Variants in ZNF250 observed in about 807,000 individuals in gnomAD.
ZNF250 encodes zinc finger protein (clone 647).
ZNF250 carries 13 observed loss-of-function variants against 37.1 expected under a neutral mutation model. The observed-to-expected ratio is 0.35, with a 90% CI of 0.23 to 0.56. The LOEUF (loss-of-function observed/expected upper bound fraction) is 0.56, where lower values mean the gene tolerates loss of function less well. ZNF250 is among the 20% of genes least tolerant of loss of function. The pLI, the probability that ZNF250 is intolerant of heterozygous loss-of-function variation, is 0.87. For synonymous variants in ZNF250, 251 were observed against 265.6 expected (o/e 0.94, Z 0.54); for missense variants, 474 against 697.9 (o/e 0.68, Z 3.61).
In ZNF250 at chr8:144,886,698, G is replaced by A. The variant is rs572841708; in HGVS notation, c.346+142C>T. ...GTTTTAAAAATTAAAAACACAAAAA[G>A]CCCCTCCCTGGTGTTTTGTAGCAAT... On this transcript the variant is annotated intron_variant, in intron 5 of 5. Coordinates refer to ENST00000417550, the MANE Select transcript of ZNF250 (RefSeq NM_001109689.4). 3 of 616,354 alleles carry A rather than the reference G, an allele frequency of 4.9e-6. No homozygotes were observed. The East Asian group carries it at 9.1e-5, about 19-fold the overall frequency. 38.2% of individuals were successfully genotyped at this position (616,354 alleles called of 1,614,324 possible). A position where few individuals can be genotyped will look rare whatever the true frequency, so the allele number is the denominator to read the frequency against.
chr8:144,882,054 G>A lies in ZNF250; in HGVS notation c.1129C>T (p.Leu377Phe). The change falls in exon 6 of 6, where the codon CTC (leucine) becomes TTC (phenylalanine). Residue 377 changes from leucine (L) to phenylalanine (F), a missense_variant. By Grantham distance (22) the Leu-to-Phe change is conservative (BLOSUM62 0). This residue lies in a region of ZNF250 where 282 missense variants were observed against 470.4 expected (regional missense o/e 0.60). Transcript: ENST00000417550. This position sits in a 1 kb window ranked among gnomAD's most constrained non-coding sequence, Gnocchi z 5.5. Reference sequence around the variant, plus strand: ...GTGTGCACGTTGTGGTGCTGAATGAGGACTGAGCGGTCGCTGAAGGCCTTC... The same window carrying A: ...GTGTGCACGTTGTGGTGCTGAATGAAGACTGAGCGGTCGCTGAAGGCCTTC... ...CGKAFSDRSV[L>F]IQHHNVHTGE... The A allele has an allele frequency of 6.2e-7, 1 of 1,614,144 alleles. No homozygotes were observed. The highest frequency in any genetic ancestry group is 8.5e-7 in the Non-Finnish European group (1 of 1,180,016).
chr8:144,892,517 T>C (rs2129823273), intron 1 of ZNF250, among the ~76,000 whole-genome samples: 1 of 152,124 alleles, frequency 6.6e-6, no homozygotes, highest in East Asian at 1.9e-4. Context: ...TAGTAACTTG[T>C]GTGTACCCAG....
At position 144,882,523 on chromosome 8, in the gene ZNF250, C is replaced by T; in HGVS notation, c.660G>A (p.Lys220=). 1 of 1,614,204 alleles carries T rather than the reference C, an allele frequency of 6.2e-7. No homozygotes were observed. The highest frequency in any genetic ancestry group is 8.5e-7 in the Non-Finnish European group (1 of 1,180,038). ...TCCCACATACACTGCACACATAGGG[C>T]TTCTCTCCAGTGTGGATACGCTGAT... ...LQHQRIHTGE[K]PYVCSVCGKA... The change falls in exon 6 of 6, where the codon AAG becomes AAA. Residue 220 remains lysine, a synonymous_variant. Transcript: ENST00000417550. The surrounding 1 kb of genome is among the most constrained non-coding windows in gnomAD (Gnocchi z 5.5).
chr8:144,887,692 G>C (rs1831994827), intron 4 of ZNF250, among the ~76,000 whole-genome samples: 1 of 152,190 alleles, frequency 6.6e-6, no homozygotes, highest in Non-Finnish European at 1.5e-5. Flanking sequence ...CCCAGGACTG[G>C]TTTGGCAGTG....
chr8:144,895,904 G>T (rs980786209), intron 1 of ZNF250, among the ~76,000 whole-genome samples: 2 of 151,304 alleles, frequency 1.3e-5, no homozygotes, highest in Non-Finnish European at 2.9e-5. Flanking sequence ...AGCTACTCAG[G>T]AGGCTGAGGC....
At chr8:144,887,600 G>A (rs1321492198) in intron 4 of ZNF250, among the ~76,000 whole-genome samples, 11 of 152,144 alleles carry the variant, frequency 7.2e-5, no homozygotes, top group Admixed American at 7.2e-4. Flanking sequence ...GAATTTCACA[G>A]TCTCTGTGGT....
chr8:144,888,031 A>T (rs1360035868), intron 4 of ZNF250, among the ~76,000 whole-genome samples: 2 of 152,198 alleles, frequency 1.3e-5, no homozygotes, highest in East Asian at 3.8e-4. Context: ...ACTCTCCCCA[A>T]GTGGGGCACA....
chr8:144,893,635 A>C (rs1186508310), intron 1 of ZNF250, among the ~76,000 whole-genome samples: 1 of 152,126 alleles, frequency 6.6e-6, no homozygotes, highest in East Asian at 1.9e-4. Flanking sequence ...CTAGCCCTGC[A>C]TGCGAATTTG....
Position 144,890,195 on chromosome 8 carries a change from C to T in ZNF250, c.42+113G>A, listed in dbSNP as rs139959543. ...TGAGGTGGGTGATGGGAAGGGGCCGCGGAGTTCAGGGCATGTGGTGACGCT... is the reference window on the plus strand; with the variant it reads ...TGAGGTGGGTGATGGGAAGGGGCCGTGGAGTTCAGGGCATGTGGTGACGCT... On this transcript the variant is annotated intron_variant, in intron 2 of 5. Transcript: ENST00000417550. The surrounding 1 kb of genome is among the most constrained non-coding windows in gnomAD (Gnocchi z 5.1). 722 of 1,500,260 alleles carry T rather than the reference C, an allele frequency of 4.8e-4. 3 individuals carry two copies. The African/African-American group carries it at 7.4e-3, about 15-fold the overall frequency. 92.9% of individuals were successfully genotyped at this position (1,500,260 alleles called of 1,614,324 possible). A position where few individuals can be genotyped will look rare whatever the true frequency, so the allele number is the denominator to read the frequency against.
chr8:144,883,066 C>A (rs1831612920), intron 5 of ZNF250, among the ~76,000 whole-genome samples: 1 of 152,210 alleles, frequency 6.6e-6, no homozygotes, highest in Non-Finnish European at 1.5e-5. Flanking sequence ...GGTGTAAACT[C>A]CAGTTTGAGG....
chr8:144,893,239 C>A (rs1430208480), intron 1 of ZNF250, among the ~76,000 whole-genome samples: 1 of 152,174 alleles, frequency 6.6e-6, no homozygotes, highest in East Asian at 1.9e-4. Context: ...CCTGGTCCCC[C>A]TGTCTGACAT....
intron 4 of ZNF250, among the ~76,000 whole-genome samples, chr8:144,888,655 A>T (rs1832084913): frequency 6.6e-6 from 1 of 151,238 alleles, no homozygotes; most frequent in South Asian, 2.1e-4. Context: ...TCCCTTGTGA[A>T]TTTTAATCAA....
At chr8:144,892,398 A>AG (rs765699693) in intron 1 of ZNF250, among the ~76,000 whole-genome samples, 2 of 152,224 alleles carry the variant, frequency 1.3e-5, no homozygotes, top group East Asian at 3.8e-4. Context: ...GCTGCAATTA[A>AG]ACCAACAAGT....
Position 144,882,614 on chromosome 8 carries a change from C to A in ZNF250, c.569G>T (p.Gly190Val). Residue 190 changes from glycine (G) to valine (V), a missense_variant, in exon 6 of 6, where the codon GGA (glycine) becomes GTA (valine). Transcript: ENST00000417550. The surrounding 1 kb of genome is among the most constrained non-coding windows in gnomAD (Gnocchi z 5.5). ...PLTPHQAVPSGERPYMCVECG... is the reference protein window; with the variant it reads ...PLTPHQAVPSVERPYMCVECG... ...CTCAACACACATGTAGGGCCTCTCT[C>A]CACTAGGCACTGCCTGGTGCGGAGT... 2 of 1,614,034 alleles carry A rather than the reference C, an allele frequency of 1.2e-6. No individual in the cohort carries two copies. The highest frequency in any genetic ancestry group is 2.2e-5 in the South Asian group (2 of 91,078).
At chr8:144,895,999 ACT>A (rs1482050093) in intron 1 of ZNF250, among the ~76,000 whole-genome samples, 2 of 129,760 alleles carry the variant, frequency 1.5e-5, no homozygotes, top group Non-Finnish European at 1.5e-5. Context: ...ACAGAGCAAG[ACT>A]CTGTCTCAAA....
chr8:144,889,595 C>G lies in ZNF250; in HGVS notation c.269G>C (p.Trp90Ser), dbSNP rs1158199769. ...TCCTCACTCACCTGAGTAGTCACTC[C>G]ACAGGCCCTGGCTCTTCTTAGCCCC... ...RKGAKKSQGL[W>S]SDYSDNLKYD... Residue 90 changes from tryptophan to serine, a missense_variant, in exon 4 of 6, where the codon TGG (tryptophan) becomes TCG (serine). Coordinates refer to ENST00000417550, the MANE Select transcript of ZNF250 (RefSeq NM_001109689.4). 1 of 1,613,902 alleles carries G rather than the reference C, an allele frequency of 6.2e-7. No individual in the cohort carries two copies. Among genetic ancestry groups the G allele is most frequent in the East Asian group, 2.2e-5 (1 of 44,876 alleles).
intron 5 of ZNF250, among the ~76,000 whole-genome samples, chr8:144,883,807 CTT>C (rs1831675595): frequency 6.6e-6 from 1 of 152,144 alleles, no homozygotes; most frequent in Non-Finnish European, 1.5e-5. Flanking sequence ...GGTGGAGACT[CTT>C]CTGGGAGCAG....
chr8:144,889,479 T>C, intron 4 of ZNF250, 102 bp downstream of exon 4: 1 of 888,976 alleles, frequency 1.1e-6, no homozygotes, highest in Non-Finnish European at 1.7e-6. Flanking sequence ...TTACTCCAGG[T>C]GGAAGCCACT....
intron 5 of ZNF250, among the ~76,000 whole-genome samples, chr8:144,883,159 T>C (rs1831619945): frequency 6.6e-6 from 1 of 152,116 alleles, no homozygotes; most frequent in Non-Finnish European, 1.5e-5. Flanking sequence ...GGTCCTCATG[T>C]GGACAGAGCT....
Sources: gnomAD v4.1 joint callset for allele counts (sites outside exome capture counted in the v4.1 genomes callset) on GRCh38, gnomAD v4.1.1 for gene constraint, gnomAD v4.1.1 regional missense constraint, Gnocchi (gnomAD v3.1) non-coding constraint, MANE v1.5 for transcripts, NCBI Gene and HGNC (gene_info 2026-07-23, HGNC 2026-07-21) for gene names.